IL5: variants seen among roughly 807,000 people sequenced by gnomAD.
IL5 encodes the protein interleukin-5.
Under a neutral mutation model 16.3 loss-of-function variants are expected in IL5, and 12 were observed. That is an observed-to-expected ratio of 0.74 (90% confidence interval 0.47 to 1.20). The LOEUF (loss-of-function observed/expected upper bound fraction) is 1.20. IL5 is among the 50% of genes most tolerant of loss of function. The pLI, the probability that IL5 is intolerant of heterozygous loss-of-function variation, is 0.00. For missense variants in IL5, 159 were observed against 153.9 expected, an observed-to-expected ratio of 1.03 and a Z score of -0.17; for synonymous variants, 54 against 56.6, an observed-to-expected ratio of 0.95 and a Z score of 0.21.
upstream of IL5, among the ~76,000 whole-genome samples, chr5:132,545,845 AGGAGGC>A (rs1374908004): frequency 6.6e-6 from 1 of 152,132 alleles, no homozygotes; most frequent in Admixed American, 6.6e-5. Flanking sequence ...GCTTGAACTC[AGGAGGC>A]GGAGGTTGCA....
At chr5:132,546,867 T>C (rs140686161), upstream of IL5, among the ~76,000 whole-genome samples, 557 of 151,758 alleles carry the variant, frequency 3.7e-3, 4 homozygotes, top group African/African-American at 0.011. Context: ...CCACTAAAAA[T>C]ACAAAAAAAT....
intron 1 of IL5, among the ~76,000 whole-genome samples, chr5:132,553,864 G>A (rs1019633572): frequency 6.9e-6 from 1 of 144,628 alleles, no homozygotes; most frequent in Admixed American, 7.4e-5. Context: ...GCGTGAACCC[G>A]GGAGGCGGAG....
At chr5:132,546,284 G>A (rs1749785506), upstream of IL5, among the ~76,000 whole-genome samples, 1 of 151,964 alleles carries the variant, frequency 6.6e-6, no homozygotes, top group South Asian at 2.1e-4. Flanking sequence ...CTGAAACTCT[G>A]TACCCATTAA....
rs772350776 is a variant in IL5 at position 132,541,877 on chromosome 5, G to T, written c.339C>A (p.Asn113Lys). Residue 113 changes from asparagine to lysine, a missense_variant, in exon 4 of 4, where the codon AAC (asparagine) becomes AAA (lysine). By Grantham distance (94) the Asn-to-Lys change is moderately conservative. Transcript: ENST00000231454. ...KKCGEERRRVNQFLDYLQEFL... is the reference protein window; with the variant it reads ...KKCGEERRRVKQFLDYLQEFL... Reference sequence around the variant, plus strand: ...ACTCTTGCAGGTAGTCTAGGAATTGGTTTACTCTCCGTCTTTCTTCTCCAC... The same window carrying T: ...ACTCTTGCAGGTAGTCTAGGAATTGTTTTACTCTCCGTCTTTCTTCTCCAC... 1.9e-6 allele frequency: 3 copies of T among 1,613,770 alleles called. No homozygotes were observed. Among genetic ancestry groups the T allele is most frequent in the East Asian group, 2.2e-5 (1 of 44,860 alleles).
chr5:132,548,688 A>G (rs1244244497), intron 1 of IL5, among the ~76,000 whole-genome samples: 1 of 152,128 alleles, frequency 6.6e-6, no homozygotes, highest in Non-Finnish European at 1.5e-5. Flanking sequence ...TGTGCTCTGC[A>G]ATGGAATGAC....
At chr5:132,551,564 G>C (rs1346701805) in intron 1 of IL5, among the ~76,000 whole-genome samples, 2 of 152,082 alleles carry the variant, frequency 1.3e-5, no homozygotes, top group African/African-American at 4.8e-5. Flanking sequence ...GTGCATGCAT[G>C]TGTGTGTGTT....
At chr5:132,545,147 C>G (rs962848257), upstream of IL5, among the ~76,000 whole-genome samples, 1 of 152,100 alleles carries the variant, frequency 6.6e-6, no homozygotes, top group East Asian at 1.9e-4. Flanking sequence ...TAGGCTTGGT[C>G]AAAGTGCTCT....
upstream of IL5, among the ~76,000 whole-genome samples, chr5:132,546,626 A>T (rs1209948314): frequency 6.6e-6 from 1 of 152,092 alleles, no homozygotes; most frequent in Admixed American, 6.5e-5. Context: ...ACAAAATTAA[A>T]TTTCTTATAA....
chr5:132,555,866 T>C (rs1430878101), intron 1 of IL5, among the ~76,000 whole-genome samples: 1 of 152,242 alleles, frequency 6.6e-6, no homozygotes, highest in Non-Finnish European at 1.5e-5. Context: ...AAAAAAGGTC[T>C]TTCGTCTTTT....
chr5:132,542,083 GCA>G lies in IL5; in HGVS notation c.236_237del (p.Val79AlafsTer20). Reference protein sequence around the residue: ...QGIGTLESQTVQGGTVERLFK... With the variant: ...QGIGTLESQTXQGGTVERLFK... ...AATAGTCTTTCCACAGTACCCCCTT[GCA>G]CAGTTTGACTCTCCAGTGTGCCTAT... On this transcript the variant is annotated frameshift_variant, in exon 3 of 4. Transcript: ENST00000231454. LOFTEE classifies it high-confidence loss of function. 1 of 1,613,314 alleles carries G rather than the reference GCA, an allele frequency of 6.2e-7. No homozygotes were observed. Among genetic ancestry groups the G allele is most frequent in the Non-Finnish European group, 8.5e-7 (1 of 1,179,354 alleles).
At chr5:132,546,542 T>C (rs955733208), upstream of IL5, among the ~76,000 whole-genome samples, 3 of 152,232 alleles carry the variant, frequency 2.0e-5, no homozygotes, top group Admixed American at 6.5e-5. Context: ...TGTTTATCCA[T>C]GGTCTGTCGA....
At chr5:132,543,000 T>C (rs1749722392) in intron 2 of IL5, 94 bp downstream of exon 2, 2 of 935,096 alleles carry the variant, frequency 2.1e-6, no homozygotes, top group Non-Finnish European at 1.7e-6. Flanking sequence ...ATATAGAAAA[T>C]TAAATAGTTC....
intron 1 of IL5, among the ~76,000 whole-genome samples, chr5:132,552,230 C>G (rs1223189331): frequency 6.6e-6 from 1 of 152,136 alleles, no homozygotes; most frequent in Non-Finnish European, 1.5e-5. Flanking sequence ...GATTGCGCCA[C>G]TGCACTCCAG....
chr5:132,543,059 A>T, intron 2 of IL5, 35 bp downstream of exon 2: 3 of 1,451,476 alleles, frequency 2.1e-6, no homozygotes, highest in Non-Finnish European at 1.9e-6. Flanking sequence ...TTACTTATTC[A>T]TGCCATCATT....
chr5:132,542,242 T>C (rs41298342), intron 2 of IL5, 99 bp from the exon 3 acceptor site: 6 of 647,232 alleles, frequency 9.3e-6, no homozygotes, highest in Non-Finnish European at 1.6e-5. Context: ...CAAAACATCA[T>C]ATTGTACACA....
chr5:132,545,813 G>A (rs1177661144), upstream of IL5, among the ~76,000 whole-genome samples: 3 of 152,094 alleles, frequency 2.0e-5, no homozygotes, highest in Non-Finnish European at 2.9e-5. Flanking sequence ...CCAGTTACTC[G>A]GGAGGCTGAG....
intron 1 of IL5, among the ~76,000 whole-genome samples, chr5:132,553,753 G>A (rs1057422053): frequency 1.3e-5 from 2 of 151,738 alleles, no homozygotes; most frequent in Non-Finnish European, 2.9e-5. Context: ...TGGCTAACAC[G>A]GTGAAACCCC....
intron 2 of IL5, 80 bp from the exon 3 acceptor site, chr5:132,542,223 T>C: frequency 1.2e-6 from 1 of 865,310 alleles, no homozygotes; most frequent in Non-Finnish European, 1.8e-6. Context: ...CTGCAATGTA[T>C]ACATACTTCA....
At chr5:132,544,648 C>G (rs1332516382), upstream of IL5, among the ~76,000 whole-genome samples, 2 of 152,208 alleles carry the variant, frequency 1.3e-5, no homozygotes, top group Non-Finnish European at 2.9e-5. Context: ...CCTCCTAGAT[C>G]ACACACTTCC....
Sources: allele counts gnomAD v4.1 joint callset (sites outside exome capture counted in the v4.1 genomes callset), GRCh38; gene constraint gnomAD v4.1.1; transcripts MANE v1.5; gene names NCBI Gene and HGNC (gene_info 2026-07-23, HGNC 2026-07-21).